NYAP2: variants seen among roughly 807,000 people sequenced by gnomAD.
NYAP2 encodes the protein neuronal tyrosine-phosphorylated phosphoinositide-3-kinase adapter 2.
In NYAP2, 23 loss-of-function variants were observed where a neutral mutation model predicts 50.4. The ratio of observed to expected loss-of-function variants is 0.46; its 90% CI spans 0.33 to 0.65. The LOEUF is 0.65. Among genes scored for constraint, NYAP2 ranks in the 30% least tolerant of loss-of-function variants. The pLI, the probability that NYAP2 is intolerant of heterozygous loss-of-function variation, is 0.02. For synonymous variants in NYAP2, 394 were observed against 365.2 expected (o/e 1.08, Z -0.90); for missense variants, 885 against 861.0 (o/e 1.03, Z -0.35).
intron 4 of NYAP2, among the ~76,000 whole-genome samples, chr2:225,519,493 T>G (rs1186183853): frequency 4.8e-5 from 7 of 145,044 alleles, no homozygotes; most frequent in Admixed American, 1.4e-4. Context: ...CATTGTTCAG[T>G]TCCCACCTAT....
intron 4 of NYAP2, among the ~76,000 whole-genome samples, chr2:225,521,950 G>A (rs1341192851): frequency 6.6e-6 from 1 of 152,108 alleles, no homozygotes; most frequent in Non-Finnish European, 1.5e-5. Flanking sequence ...CACAATTTCA[G>A]AGCCTGTTAT....
the NYAP2 span, among the ~76,000 whole-genome samples, chr2:225,677,302 A>C: frequency 6.6e-6 from 1 of 152,104 alleles, no homozygotes; most frequent in Non-Finnish European, 1.5e-5. Flanking sequence ...CAGTTCCAGG[A>C]GCTTTTCGGT....
At chr2:225,601,745 T>C (rs1373892804) in intron 5 of NYAP2, among the ~76,000 whole-genome samples, 1 of 152,182 alleles carries the variant, frequency 6.6e-6, no homozygotes, top group African/African-American at 2.4e-5. Context: ...TGATTTCTTT[T>C]TGTTGTTTAG....
At chr2:225,515,861 T>G (rs747233360) in intron 4 of NYAP2, among the ~76,000 whole-genome samples, 20 of 152,022 alleles carry the variant, frequency 1.3e-4, no homozygotes, top group Non-Finnish European at 2.6e-4. Flanking sequence ...ATGGGGGGCC[T>G]GAATGCAGTC....
chr2:225,545,118 TC>T (rs1489313534), intron 4 of NYAP2, among the ~76,000 whole-genome samples: 1 of 152,200 alleles, frequency 6.6e-6, no homozygotes, highest in Non-Finnish European at 1.5e-5. Flanking sequence ...TAGAATCCTT[TC>T]TTTATCCTTG....
chr2:225,564,386 C>A (rs1039219709), intron 4 of NYAP2, among the ~76,000 whole-genome samples: 1 of 151,624 alleles, frequency 6.6e-6, no homozygotes, highest in Non-Finnish European at 1.5e-5. Context: ...TTTTTAGTAA[C>A]CCCTAAGAGC....
chr2:225,652,207 C>A (rs539259877), exon 7 of NYAP2: 2 of 152,022 alleles, frequency 1.3e-5, no homozygotes, highest in African/African-American at 2.4e-5. Context: ...ATTTGACTGG[C>A]CAGACAAATT....
intron 5 of NYAP2, among the ~76,000 whole-genome samples, chr2:225,614,354 G>A (rs1692949878): frequency 2.0e-5 from 3 of 151,892 alleles, no homozygotes; most frequent in South Asian, 2.1e-4. Flanking sequence ...CTACTATTTT[G>A]AATGAAAAAC....
intron 3 of NYAP2, among the ~76,000 whole-genome samples, chr2:225,464,166 C>G (rs1689879113): frequency 6.6e-6 from 1 of 152,134 alleles, no homozygotes; most frequent in Non-Finnish European, 1.5e-5. Context: ...CCGATTGAGG[C>G]AGGAGTCTAA....
intron 5 of NYAP2, among the ~76,000 whole-genome samples, chr2:225,608,698 G>T (rs963172387): frequency 6.6e-6 from 1 of 151,962 alleles, no homozygotes; most frequent in African/African-American, 2.4e-5. Context: ...TATTTTCTAC[G>T]TGTCTCTACC....
At chr2:225,425,791 G>A (rs1035660135) in intron 3 of NYAP2, among the ~76,000 whole-genome samples, 3 of 152,108 alleles carry the variant, frequency 2.0e-5, no homozygotes, top group East Asian at 3.9e-4. Flanking sequence ...ATTTTAGCAG[G>A]CACATTAATG....
the NYAP2 span, among the ~76,000 whole-genome samples, chr2:225,660,860 T>C: frequency 1.3e-5 from 2 of 152,206 alleles, no homozygotes; most frequent in Non-Finnish European, 1.5e-5. Context: ...TTTTAAATAG[T>C]ATGCCTTTAA....
Position 225,638,567 on chromosome 2 carries a change from C to T in NYAP2, c.1828+11441C>T, listed in dbSNP as rs1270250929. Among the ~76,000 whole-genome samples the T allele has an allele frequency of 3.9e-5, 6 of 152,084 alleles. No homozygotes were observed. In the South Asian group the frequency reaches 6.2e-4, roughly 16 times the overall value. On this transcript the variant is annotated intron_variant, in intron 6 of 6. Transcript: ENST00000636099. ...CCTGGGGCAGCCAGGACTCTCAGGACGTGTTTCAAGGTGCCCTACAGGATA... is the reference window on the plus strand; with the variant it reads ...CCTGGGGCAGCCAGGACTCTCAGGATGTGTTTCAAGGTGCCCTACAGGATA...
chr2:225,534,083 G>A (rs369553884), intron 4 of NYAP2, among the ~76,000 whole-genome samples: 3 of 152,034 alleles, frequency 2.0e-5, no homozygotes, highest in African/African-American at 7.2e-5. Context: ...AAAAACAACC[G>A]AATAAGGATT....
At chr2:225,654,772 G>A (rs901156279), downstream of NYAP2, among the ~76,000 whole-genome samples, 1 of 152,164 alleles carries the variant, frequency 6.6e-6, no homozygotes, top group African/African-American at 2.4e-5. Flanking sequence ...GTCTATGGAG[G>A]AATCTGGCCT....
At chr2:225,610,665 C>T (rs965574912) in intron 5 of NYAP2, among the ~76,000 whole-genome samples, 1 of 152,124 alleles carries the variant, frequency 6.6e-6, no homozygotes, top group African/African-American at 2.4e-5. Flanking sequence ...AATTTCAGCC[C>T]CATCTCTGCC....
At chr2:225,608,864 T>C (rs1158574048) in intron 5 of NYAP2, among the ~76,000 whole-genome samples, 1 of 152,096 alleles carries the variant, frequency 6.6e-6, no homozygotes. Context: ...GTGGCCCCAT[T>C]CCCTAGTCCA....
intron 4 of NYAP2, among the ~76,000 whole-genome samples, chr2:225,521,288 T>C (rs1358342153): frequency 6.6e-6 from 1 of 151,976 alleles, no homozygotes; most frequent in African/African-American, 2.4e-5. Flanking sequence ...CTAATTGCCC[T>C]GGCCAGAACT....
intron 3 of NYAP2, among the ~76,000 whole-genome samples, chr2:225,433,695 T>C (rs1208459004): frequency 1.3e-5 from 2 of 151,522 alleles, no homozygotes; most frequent in Non-Finnish European, 2.9e-5. Flanking sequence ...CGGGCGCCTG[T>C]AGTCCCAGCT....
Sources: allele counts gnomAD v4.1 joint callset (sites outside exome capture counted in the v4.1 genomes callset), GRCh38; gene constraint gnomAD v4.1.1; transcripts MANE v1.5; gene names NCBI Gene and HGNC (gene_info 2026-07-23, HGNC 2026-07-21).